ZC3H3: variants seen among roughly 807,000 people sequenced by gnomAD.
ZC3H3 encodes zinc finger CCCH-type containing 3.
Under a neutral mutation model 77.3 loss-of-function variants are expected in ZC3H3, and 36 were observed. That is an observed-to-expected ratio of 0.47 (90% CI 0.36 to 0.61). ZC3H3 has a LOEUF of 0.61. Ranked by LOEUF, ZC3H3 falls within the 20% of genes least tolerant of loss-of-function variation. The pLI, the probability that ZC3H3 is intolerant of heterozygous loss-of-function variation, is 0.00. For synonymous variants in ZC3H3, 626 were observed against 555.2 expected (o/e 1.13, Z -1.79); for missense variants, 1,331 against 1,312.2 (o/e 1.01, Z -0.22).
rs1356850865 is a variant in ZC3H3 at position 143,468,511 on chromosome 8, A to T, written c.1976T>A (p.Ile659Asn). 8 of 1,609,342 alleles carry T rather than the reference A, an allele frequency of 5.0e-6. No individual in the cohort carries two copies. The highest frequency in any genetic ancestry group is 6.8e-6 in the Non-Finnish European group (8 of 1,178,494). ...SRAVQRSLAI[I>N]RQARQRREKR... ...CTCCCTGCGCTGCCGCGCCTGCCGG[A>T]TGATGGCCAGGCTGCGCTGCACTGC... Residue 659 changes from isoleucine to asparagine, a missense_variant, in exon 7 of 12, where the codon ATC (isoleucine) becomes AAC (asparagine). Physicochemically the swap from Ile to Asn is moderately radical, Grantham distance 149. Coordinates refer to ENST00000262577, the MANE Select transcript of ZC3H3 (RefSeq NM_015117.3).
chr8:143,526,336 G>A (rs1822411971), intron 3 of ZC3H3, among the ~76,000 whole-genome samples: 1 of 152,252 alleles, frequency 6.6e-6, no homozygotes. Context: ...GCCAGTTCTG[G>A]AGAATGAGTG....
chr8:143,511,112 G>C (rs868340790), intron 3 of ZC3H3, among the ~76,000 whole-genome samples: 16 of 152,378 alleles, frequency 1.1e-4, no homozygotes, highest in Middle Eastern at 3.4e-3. Flanking sequence ...CTTGCACACG[G>C]CACCATGCCC....
At chr8:143,489,322 G>A (rs1406426939) in intron 4 of ZC3H3, among the ~76,000 whole-genome samples, 1 of 152,172 alleles carries the variant, frequency 6.6e-6, no homozygotes, top group Non-Finnish European at 1.5e-5. Context: ...GCTCAGCCAG[G>A]GCCTGGTTCC....
chr8:143,499,748 G>A (rs1821468251), intron 4 of ZC3H3, among the ~76,000 whole-genome samples: 1 of 152,158 alleles, frequency 6.6e-6, no homozygotes, highest in South Asian at 2.1e-4. Flanking sequence ...AGGCCCTGGG[G>A]ACCGGGCCAA....
intron 3 of ZC3H3, among the ~76,000 whole-genome samples, chr8:143,517,421 C>T (rs563754478): frequency 1.3e-5 from 2 of 152,282 alleles, no homozygotes; most frequent in East Asian, 1.9e-4. Flanking sequence ...AGGAGGAAAC[C>T]GGACCAAGTT....
At chr8:143,450,112 C>T (rs1426268589) in intron 9 of ZC3H3, among the ~76,000 whole-genome samples, 1 of 152,188 alleles carries the variant, frequency 6.6e-6, no homozygotes, top group Non-Finnish European at 1.5e-5. Flanking sequence ...ATAGCAATGC[C>T]TCACTCCTCA....
At chr8:143,535,375 T>C (rs1220465896) in intron 3 of ZC3H3, among the ~76,000 whole-genome samples, 2 of 151,976 alleles carry the variant, frequency 1.3e-5, no homozygotes, top group Non-Finnish European at 2.9e-5. Context: ...CCAGTCGGAG[T>C]GCCCAGGTCC....
At chr8:143,471,476 T>G (rs886619529) in intron 5 of ZC3H3, among the ~76,000 whole-genome samples, 12 of 152,176 alleles carry the variant, frequency 7.9e-5, no homozygotes, top group Admixed American at 2.6e-4. Context: ...CTGGGGGCTT[T>G]GGGGACACAG....
At chr8:143,514,533 C>T (rs1327754421) in intron 3 of ZC3H3, among the ~76,000 whole-genome samples, 1 of 152,056 alleles carries the variant, frequency 6.6e-6, no homozygotes, top group African/African-American at 2.4e-5. Context: ...GGTGGGCATG[C>T]ACACAGGCGT....
Position 143,465,996 on chromosome 8 carries a change from G to A in ZC3H3, c.2176-148C>T, listed in dbSNP as rs543215604. On this transcript the variant is annotated intron_variant, in intron 8 of 11. Coordinates refer to ENST00000262577, the MANE Select transcript of ZC3H3 (RefSeq NM_015117.3). ...GGAAGGGCAGCCACCACGACCTGCG[G>A]GGCAGGGAAGCTGCTGCTCAGAAGT... 205 of 1,173,732 alleles carry A rather than the reference G, an allele frequency of 1.7e-4. No homozygotes were observed. The African/African-American group carries it at 2.4e-3, about 14-fold the overall frequency. The allele number at this position is 1,173,732 out of a possible 1,614,324, so 72.7% of individuals were successfully genotyped here. A position where few individuals can be genotyped will look rare whatever the true frequency, so the allele number is the denominator to read the frequency against.
chr8:143,440,151 C>T lies in ZC3H3; in HGVS notation c.2705G>A (p.Cys902Tyr), dbSNP rs769941503. 51 of 1,611,830 alleles carry T rather than the reference C, an allele frequency of 3.2e-5. No homozygotes were observed. The highest frequency in any genetic ancestry group is 4.0e-5 in the African/African-American group (3 of 74,916). Residue 902 changes from cysteine (C) to tyrosine (Y), a missense_variant, in exon 11 of 12, where the codon TGC becomes TAC. Coordinates refer to ENST00000262577, the MANE Select transcript of ZC3H3 (RefSeq NM_015117.3). ...AGGCAGCTTGCAGAGCCTGTTGGAG[C>T]ACGCTGCTGCTAAGGCAGCCTCCTG... ...SLQEAALAAA[C>Y]SNRLCKLPSF...
rs946550308 is a variant in ZC3H3 at position 143,539,000 on chromosome 8, C to A, written c.367G>T (p.Val123Leu). The change falls in exon 2 of 12, where the codon GTG (valine) becomes TTG (leucine). Residue 123 changes from valine to leucine, a missense_variant. Coordinates refer to ENST00000262577, the MANE Select transcript of ZC3H3 (RefSeq NM_015117.3). ...RQVQLSQGQNVVIKVKPPSKS... is the reference protein window; with the variant it reads ...RQVQLSQGQNLVIKVKPPSKS... ...GATGGCGGTTTAACTTTGATGACCA[C>A]GTTCTGACCCTGACTGAGCTGGACC... 1.2e-6 allele frequency: 2 copies of A among 1,613,096 alleles called. No homozygotes were observed. The highest frequency in any genetic ancestry group is 8.5e-7 in the Non-Finnish European group (1 of 1,180,038).
chr8:143,474,892 G>T (rs1271044659), intron 5 of ZC3H3, among the ~76,000 whole-genome samples: 2 of 152,222 alleles, frequency 1.3e-5, no homozygotes, highest in Admixed American at 6.5e-5. Flanking sequence ...AGTTGTCGAG[G>T]CGTCGCCAAT....
intron 9 of ZC3H3, among the ~76,000 whole-genome samples, chr8:143,459,418 G>A (rs913396200): frequency 8.7e-4 from 133 of 152,182 alleles, no homozygotes; most frequent in African/African-American, 2.8e-3. Context: ...GCCTGGCAGC[G>A]CGTGCCTGAA....
intron 5 of ZC3H3, among the ~76,000 whole-genome samples, chr8:143,472,939 G>C (rs1022766551): frequency 1.3e-5 from 2 of 152,200 alleles, no homozygotes; most frequent in African/African-American, 4.8e-5. Flanking sequence ...GATGGGCTCT[G>C]GCTCTGGAAA....
chr8:143,441,125 A>T lies in ZC3H3; in HGVS notation c.2308-5T>A. 1.4e-6 allele frequency: 2 copies of T among 1,419,302 alleles called. No homozygotes were observed. Among genetic ancestry groups the T allele is most frequent in the Non-Finnish European group, 1.8e-6 (2 of 1,095,600 alleles). 87.9% of individuals were successfully genotyped at this position (1,419,302 alleles called of 1,614,324 possible). ...CAGCGTGTGTTTCTTCTTGCACTGC[A>T]GAGAGAAGGGGTGCAGGTGGGTGGG... On this transcript the variant is annotated splice_region_variant and splice_polypyrimidine_tract_variant and intron_variant, in intron 9 of 11. Coordinates refer to ENST00000262577, the MANE Select transcript of ZC3H3 (RefSeq NM_015117.3).
At position 143,541,410 on chromosome 8, in the gene ZC3H3, C is replaced by A. The variant is rs368173511; in HGVS notation, c.12G>T (p.Lys4Asn). The A allele has an allele frequency of 6.2e-7, 1 of 1,612,022 alleles. No homozygotes were observed. Among genetic ancestry groups the A allele is most frequent in the Non-Finnish European group, 8.5e-7 (1 of 1,179,458 alleles). ...GGCGGATCTGCCGCCGTAATATCTC[C>A]TTTTCCTCCATCTCCCGAGTCCGCG... Reference protein sequence around the residue: MEEKEILRRQIRLL... With the variant: MEENEILRRQIRLL... Residue 4 changes from lysine (K) to asparagine (N), a missense_variant, in exon 1 of 12, where the codon AAG becomes AAT. By Grantham distance (94) the Lys-to-Asn change is moderately conservative. This residue lies in a region of ZC3H3 where 978 missense variants were observed against 915.5 expected (regional missense o/e 1.07). Transcript: ENST00000262577.
intron 9 of ZC3H3, among the ~76,000 whole-genome samples, chr8:143,447,576 G>A (rs1408776968): frequency 6.6e-6 from 1 of 152,198 alleles, no homozygotes; most frequent in East Asian, 1.9e-4. Flanking sequence ...AGACATACCT[G>A]AGACTGGGCA....
At chr8:143,515,917 C>T (rs1222389597) in intron 3 of ZC3H3, among the ~76,000 whole-genome samples, 1 of 152,212 alleles carries the variant, frequency 6.6e-6, no homozygotes, top group Non-Finnish European at 1.5e-5. Flanking sequence ...CACTGCCCAC[C>T]TGGAGCCAGC....
Sources: gnomAD v4.1 joint callset for allele counts (sites outside exome capture counted in the v4.1 genomes callset) on GRCh38, gnomAD v4.1.1 for gene constraint, gnomAD v4.1.1 regional missense constraint, MANE v1.5 for transcripts, NCBI Gene and HGNC (gene_info 2026-07-23, HGNC 2026-07-21) for gene names.